MFSD6: variants seen among roughly 807,000 people sequenced by gnomAD.
MFSD6 encodes the protein major facilitator superfamily domain-containing protein 6.
MFSD6 carries 26 observed loss-of-function variants against 56.3 expected under a neutral mutation model. That is an observed-to-expected ratio of 0.46 (90% confidence interval 0.34 to 0.64). The LOEUF (loss-of-function observed/expected upper bound fraction) is 0.64, where lower values mean the gene tolerates loss of function less well. MFSD6 is among the 30% of genes least tolerant of loss of function. MFSD6 has a pLI of 0.01. For missense variants in MFSD6, 750 were observed against 986.2 expected, an observed-to-expected ratio of 0.76 and a Z score of 3.21; for synonymous variants, 331 against 366.9, an observed-to-expected ratio of 0.90 and a Z score of 1.12.
intron 4 of MFSD6, among the ~76,000 whole-genome samples, chr2:190,474,459 A>G (rs1688158240): frequency 6.6e-6 from 1 of 152,242 alleles, no homozygotes; most frequent in Non-Finnish European, 1.5e-5. Context: ...TAAACTAGAA[A>G]ATCTAGAAGA....
Position 190,500,286 on chromosome 2 carries a change from C to T in MFSD6, c.*68C>T. 1 of 1,556,728 alleles carries T rather than the reference C, an allele frequency of 6.4e-7. No individual in the cohort carries two copies. Among genetic ancestry groups the T allele is most frequent in the Non-Finnish European group, 8.8e-7 (1 of 1,135,646 alleles). Reference sequence around the variant, plus strand: ...TCAGCCAGGACACAGGGTGAGGCCCCCCAGCCAGGATATGCCTCCCCTGGA... The same window carrying T: ...TCAGCCAGGACACAGGGTGAGGCCCTCCAGCCAGGATATGCCTCCCCTGGA... On this transcript the variant is annotated 3_prime_UTR_variant, in exon 8 of 8. Coordinates refer to ENST00000392328, the MANE Select transcript of MFSD6 (RefSeq NM_017694.4). The surrounding 1 kb of genome is among the most constrained non-coding windows in gnomAD (Gnocchi z 5.3).
At position 190,469,018 on chromosome 2, in the gene MFSD6, G is replaced by A. The variant is rs915631786; in HGVS notation, c.1533-740G>A. ...AACGAGAGACTGAAACCTTATGCTT[G>A]GGTGCACCACTTCAGGCCTTTGCTT... On this transcript the variant is annotated intron_variant, in intron 3 of 7. Coordinates refer to ENST00000392328, the MANE Select transcript of MFSD6 (RefSeq NM_017694.4). This position sits in a 1 kb window ranked among gnomAD's most constrained non-coding sequence, Gnocchi z 5.3. 6.6e-6 allele frequency among the ~76,000 whole-genome samples: 1 copy of A among 152,044 alleles called. No individual in the cohort carries two copies. Among genetic ancestry groups the A allele is most frequent in the African/African-American group, 2.4e-5 (1 of 41,396 alleles).
chr2:190,414,930 G>A (rs974668739), intron 1 of MFSD6, among the ~76,000 whole-genome samples: 4 of 152,112 alleles, frequency 2.6e-5, no homozygotes, highest in Non-Finnish European at 1.5e-5. Flanking sequence ...AGAGGTTTGT[G>A]TCCTGCTCTT....
intron 4 of MFSD6, among the ~76,000 whole-genome samples, chr2:190,478,098 ATAT>A (rs1688445548): frequency 6.6e-6 from 1 of 152,168 alleles, no homozygotes; most frequent in Admixed American, 6.5e-5. Flanking sequence ...CACCTCAGGG[ATAT>A]TATCCCAGGA....
In MFSD6 at chr2:190,458,704, T is replaced by C. The variant is rs1034389788; in HGVS notation, c.1533-11054T>C. Among the ~76,000 whole-genome samples, 3 of 152,258 alleles carry C rather than the reference T, an allele frequency of 2.0e-5. No homozygotes were observed. Among genetic ancestry groups the C allele is most frequent in the Admixed American group, 1.3e-4 (2 of 15,294 alleles). ...TGGAGGTCACTTGAGACTCTTTCAG[T>C]GAAAGTGGCAAAAATCCTTACCCAG... On this transcript the variant is annotated intron_variant, in intron 3 of 7. Coordinates refer to ENST00000392328, the MANE Select transcript of MFSD6 (RefSeq NM_017694.4). The surrounding 1 kb of genome is among the most constrained non-coding windows in gnomAD (Gnocchi z 5.3).
In MFSD6 at chr2:190,431,350, A is replaced by G. The variant is rs1041927002; in HGVS notation, c.-53-4627A>G. Among the ~76,000 whole-genome samples, 1 of 152,186 alleles carries G rather than the reference A, an allele frequency of 6.6e-6. No homozygotes were observed. Among genetic ancestry groups the G allele is most frequent in the African/African-American group, 2.4e-5 (1 of 41,456 alleles). ...TCTCGGCACTTTGGGAGGCCAAGGC[A>G]GGCAGCTGGGAGGTGGAGGTTGTAG... is the stretch of plus-strand genomic sequence containing the variant. On this transcript the variant is annotated intron_variant, in intron 2 of 7. Coordinates refer to ENST00000392328, the MANE Select transcript of MFSD6 (RefSeq NM_017694.4). This position sits in a 1 kb window ranked among gnomAD's most constrained non-coding sequence, Gnocchi z 4.4.
rs1329230974 is a variant in MFSD6, at chr2:190,458,951, T to C, written c.1533-10807T>C. Reference sequence around the variant, plus strand: ...CTGAGAACAGAGAATCATGCTTAGTTTCTGCTTAGCAGAAGGTAAAACAAG... The same window carrying C: ...CTGAGAACAGAGAATCATGCTTAGTCTCTGCTTAGCAGAAGGTAAAACAAG... On this transcript the variant is annotated intron_variant, in intron 3 of 7. Transcript: ENST00000392328. The surrounding 1 kb of genome is among the most constrained non-coding windows in gnomAD (Gnocchi z 5.3). 2.0e-5 allele frequency among the ~76,000 whole-genome samples: 3 copies of C among 152,210 alleles called. No individual in the cohort carries two copies. Among genetic ancestry groups the C allele is most frequent in the African/African-American group, 7.2e-5 (3 of 41,462 alleles).
intron 2 of MFSD6, among the ~76,000 whole-genome samples, chr2:190,427,290 T>TG (rs1458985813): frequency 6.6e-6 from 1 of 152,214 alleles, no homozygotes; most frequent in Admixed American, 6.5e-5. Context: ...GTTGAGGGGT[T>TG]GGGGGTTCCC....
At position 190,497,518 on chromosome 2, in the gene MFSD6, G is replaced by C. The variant is rs1177560621; in HGVS notation, c.1971G>C (p.Gln657His). ...CAACCATCGACTTGGTACAGCAACA[G>C]ACAGAAGATGTCATGCCACGCATTG... ...PIATIDLVQQ[Q>H]TEDVMPRIEP... is the part of the protein sequence containing the mutation. The change falls in exon 7 of 8, where the codon CAG (glutamine) becomes CAC (histidine). Residue 657 changes from glutamine (Q) to histidine (H), a missense_variant. By Grantham distance (24) the Gln-to-His change is conservative. Coordinates refer to ENST00000392328, the MANE Select transcript of MFSD6 (RefSeq NM_017694.4). This position sits in a 1 kb window ranked among gnomAD's most constrained non-coding sequence, Gnocchi z 5.2. The C allele has an allele frequency of 6.2e-7, 1 of 1,614,080 alleles. No individual in the cohort carries two copies. Among genetic ancestry groups the C allele is most frequent in the Non-Finnish European group, 8.5e-7 (1 of 1,180,046 alleles).
rs1289965470 is a variant in MFSD6, at chr2:190,413,297, G to A, written c.-175-1995G>A. On this transcript the variant is annotated intron_variant, in intron 1 of 7. Coordinates refer to ENST00000392328, the MANE Select transcript of MFSD6 (RefSeq NM_017694.4). This position sits in a 1 kb window ranked among gnomAD's most constrained non-coding sequence, Gnocchi z 4.1. Reference sequence around the variant, plus strand: ...TAGGATGGGAGGGGCGGGGTAGAATGGGGGAGAATAGGGCAAAGATGGGAA... The same window carrying A: ...TAGGATGGGAGGGGCGGGGTAGAATAGGGGAGAATAGGGCAAAGATGGGAA... 6.6e-6 allele frequency among the ~76,000 whole-genome samples: 1 copy of A among 152,180 alleles called. No homozygotes were observed. The highest frequency in any genetic ancestry group is 1.5e-5 in the Non-Finnish European group (1 of 68,018).
rs570577119 is a variant in MFSD6 at position 190,431,261 on chromosome 2, T to G, written c.-53-4716T>G. On this transcript the variant is annotated intron_variant, in intron 2 of 7. Transcript: ENST00000392328. The surrounding 1 kb of genome is among the most constrained non-coding windows in gnomAD (Gnocchi z 4.4). ...GAGGGGCTCCTCACCTCCCAGAGGA[T>G]GGGCGGCCAGGCAGAGACGCTCCTC... Among the ~76,000 whole-genome samples, 16 of 133,072 alleles carry G rather than the reference T, an allele frequency of 1.2e-4. No homozygotes were observed. Among genetic ancestry groups the G allele is most frequent in the Admixed American group, 2.2e-4 (3 of 13,420 alleles). 87.3% of individuals were successfully genotyped at this position (133,072 alleles called of 152,430 possible).
chr2:190,421,220 G>C (rs746743414), intron 2 of MFSD6, among the ~76,000 whole-genome samples: 1 of 152,286 alleles, frequency 6.6e-6, no homozygotes, highest in Admixed American at 6.5e-5. Context: ...AGGACTTTGT[G>C]TCCTTCTCTG....
rs985981471 is a variant in MFSD6, at chr2:190,413,254, G to A, written c.-175-2038G>A. 1.5e-4 allele frequency among the ~76,000 whole-genome samples: 23 copies of A among 152,060 alleles called. No homozygotes were observed. Among genetic ancestry groups the A allele is most frequent in the African/African-American group, 5.1e-4 (21 of 41,376 alleles). The stretch of plus-strand genomic sequence containing the variant: ...AGAGTTCTGTATTACCTTGTGACCT[G>A]GTGGTCCTGCTGCATTTTAGGATGG... On this transcript the variant is annotated intron_variant, in intron 1 of 7. Transcript: ENST00000392328. This position sits in a 1 kb window ranked among gnomAD's most constrained non-coding sequence, Gnocchi z 4.1.
At position 190,489,555 on chromosome 2, in the gene MFSD6, C is replaced by T. The variant is rs1040427673; in HGVS notation, c.1793-213C>T. On this transcript the variant is annotated intron_variant, in intron 5 of 7. Transcript: ENST00000392328. This position sits in a 1 kb window ranked among gnomAD's most constrained non-coding sequence, Gnocchi z 6.6. ...TCCTATATAAATGCAGTTTTATAAT[C>T]GATCAATGACAGATCCAATATCAGC... Among the ~76,000 whole-genome samples the T allele has an allele frequency of 6.6e-6, 1 of 152,174 alleles. No homozygotes were observed. The highest frequency in any genetic ancestry group is 2.1e-4 in the South Asian group (1 of 4,814).
In MFSD6 at chr2:190,497,482, C is replaced by T. The variant is rs772124732; in HGVS notation, c.1935C>T (p.Pro645=). ...LAERIPVPSS[P]VPIATIDLVQ... Reference sequence around the variant, plus strand: ...AAAGAATTCCTGTTCCCTCCAGTCCCGTTCCTATAGCAACCATCGACTTGG... The same window carrying T: ...AAAGAATTCCTGTTCCCTCCAGTCCTGTTCCTATAGCAACCATCGACTTGG... Residue 645 remains proline, a synonymous_variant, in exon 7 of 8, where the codon CCC becomes CCT. Transcript: ENST00000392328. This position sits in a 1 kb window ranked among gnomAD's most constrained non-coding sequence, Gnocchi z 5.2. 1.2e-4 allele frequency: 190 copies of T among 1,614,024 alleles called. No individual in the cohort carries two copies. Among genetic ancestry groups the T allele is most frequent in the Non-Finnish European group, 1.5e-4 (178 of 1,180,022 alleles).
chr2:190,490,847 G>T lies in MFSD6; in HGVS notation c.1891+981G>T, dbSNP rs1689304849. On this transcript the variant is annotated intron_variant, in intron 6 of 7. Transcript: ENST00000392328. The surrounding 1 kb of genome is among the most constrained non-coding windows in gnomAD (Gnocchi z 4.5). ...GGCCCCTGAAATGCTTCTGTGAAGAGAAAAACTTGCTTGTTACAGAAGCCT... is the reference window on the plus strand; with the variant it reads ...GGCCCCTGAAATGCTTCTGTGAAGATAAAAACTTGCTTGTTACAGAAGCCT... Among the ~76,000 whole-genome samples the T allele has an allele frequency of 6.6e-6, 1 of 152,244 alleles. No individual in the cohort carries two copies. Among genetic ancestry groups the T allele is most frequent in the African/African-American group, 2.4e-5 (1 of 41,462 alleles).
intron 4 of MFSD6, among the ~76,000 whole-genome samples, chr2:190,472,121 A>C (rs1334773183): frequency 3.3e-5 from 5 of 152,244 alleles, no homozygotes; most frequent in Non-Finnish European, 5.9e-5. Flanking sequence ...AAAGGTAGTT[A>C]AAACCACAAA....
At position 190,490,688 on chromosome 2, in the gene MFSD6, A is replaced by G. The variant is rs1258965783; in HGVS notation, c.1891+822A>G. Among the ~76,000 whole-genome samples the G allele has an allele frequency of 1.3e-5, 2 of 152,242 alleles. No homozygotes were observed. The highest frequency in any genetic ancestry group is 2.9e-5 in the Non-Finnish European group (2 of 68,038). ...GGTTATATCAAATATTAATATGTAG[A>G]TGAGAATGAGCTGACTCAACTTTTT... On this transcript the variant is annotated intron_variant, in intron 6 of 7. Coordinates refer to ENST00000392328, the MANE Select transcript of MFSD6 (RefSeq NM_017694.4). This position sits in a 1 kb window ranked among gnomAD's most constrained non-coding sequence, Gnocchi z 4.5.
At chr2:190,474,593 A>G (rs907257664) in intron 4 of MFSD6, among the ~76,000 whole-genome samples, 7 of 152,186 alleles carry the variant, frequency 4.6e-5, no homozygotes, top group African/African-American at 1.4e-4. Context: ...CAACCAAAAA[A>G]AGTCCAGGAC....
Sources: gnomAD v4.1 joint callset for allele counts (sites outside exome capture counted in the v4.1 genomes callset) on GRCh38, gnomAD v4.1.1 for gene constraint, Gnocchi (gnomAD v3.1) non-coding constraint, MANE v1.5 for transcripts, NCBI Gene and HGNC (gene_info 2026-07-23, HGNC 2026-07-21) for gene names.